Variants in RYR2 observed in about 807,000 individuals in gnomAD.
RYR2 encodes ryanodine receptor 2.
A neutral mutation model predicts 601.1 loss-of-function variants in RYR2; 227 were observed. The ratio of observed to expected loss-of-function variants is 0.38; its 90% CI spans 0.34 to 0.42. The LOEUF (loss-of-function observed/expected upper bound fraction) is 0.42. Among genes scored for constraint, RYR2 ranks in the 10% least tolerant of loss-of-function variants. The probability of loss-of-function intolerance (pLI) is 1.00; values close to 1 mark genes in which losing one functional copy is unlikely to be tolerated. For synonymous variants in RYR2, 2,223 were observed against 2,175.1 expected (o/e 1.02, Z -0.61); for missense variants, 4,646 against 6,156.5 (o/e 0.75, Z 8.21).
chr1:237,621,350 T>C (rs1159164324), intron 38 of RYR2, among the ~76,000 whole-genome samples: 1 of 152,042 alleles, frequency 6.6e-6, no homozygotes, highest in African/African-American at 2.4e-5. Flanking sequence ...ACTTCAAGAA[T>C]TTTGAAAACA....
chr1:237,276,676 A>G (rs549103523), intron 2 of RYR2, among the ~76,000 whole-genome samples: 7 of 152,318 alleles, frequency 4.6e-5, no homozygotes, highest in African/African-American at 1.7e-4. Context: ...ACAAAAGGAA[A>G]TTAAGTCATA....
intron 62 of RYR2, among the ~76,000 whole-genome samples, chr1:237,682,334 T>C (rs188806034): frequency 1.3e-5 from 2 of 152,168 alleles, no homozygotes; most frequent in African/African-American, 2.4e-5. Flanking sequence ...TTGATGTCCC[T>C]TTGGGGCTCT....
At chr1:237,676,623 A>G (rs775693276) in intron 60 of RYR2, among the ~76,000 whole-genome samples, 9 of 152,204 alleles carry the variant, frequency 5.9e-5, no homozygotes, top group Non-Finnish European at 1.3e-4. Flanking sequence ...TTTAATTTCC[A>G]TCTTTCATTG....
At chr1:237,201,805 T>C (rs539859441) in intron 1 of RYR2, among the ~76,000 whole-genome samples, 80 of 152,262 alleles carry the variant, frequency 5.3e-4, no homozygotes, top group Non-Finnish European at 5.4e-4. Context: ...ACAGTCCCAT[T>C]GTGGGCTCCC....
At chr1:237,656,013 T>A in intron 53 of RYR2, 29 bp downstream of exon 53, 1 of 1,605,998 alleles carries the variant, frequency 6.2e-7, no homozygotes, top group Non-Finnish European at 8.5e-7. Flanking sequence ...GCAGCAGATT[T>A]TTATTGTAAA....
At chr1:237,676,405 A>C (rs1173434765) in intron 60 of RYR2, among the ~76,000 whole-genome samples, 2 of 152,146 alleles carry the variant, frequency 1.3e-5, no homozygotes, top group African/African-American at 4.8e-5. Flanking sequence ...CCCACTTGAC[A>C]CATTTCATTC....
At chr1:237,347,442 T>C (rs1325433599) in intron 3 of RYR2, among the ~76,000 whole-genome samples, 1 of 152,216 alleles carries the variant, frequency 6.6e-6, no homozygotes, top group Non-Finnish European at 1.5e-5. Context: ...CTTGTTGAAA[T>C]GTAATTGACT....
rs12035799 is a variant in RYR2 at position 237,446,344 on chromosome 1, A to T, written c.1292+822A>T. ...AAACTTTGCTAATTTGATGGGGGAA[A>T]CTTTTTGTTGACCATCTTTCTTCAT... is the stretch of plus-strand genomic sequence containing the variant. On this transcript the variant is annotated intron_variant, in intron 14 of 104. Transcript: ENST00000366574. 3.9e-4 allele frequency among the ~76,000 whole-genome samples: 59 copies of T among 152,134 alleles called. 1 individual carries two copies. In the East Asian group the frequency reaches 0.011, roughly 27 times the overall value.
At chr1:237,274,970 C>T (rs1690112016) in intron 2 of RYR2, among the ~76,000 whole-genome samples, 1 of 151,776 alleles carries the variant, frequency 6.6e-6, no homozygotes. Context: ...ACATACACTC[C>T]ATGATGTACA....
intron 98 of RYR2, among the ~76,000 whole-genome samples, chr1:237,805,308 C>T (rs1660490525): frequency 6.6e-6 from 1 of 152,086 alleles, no homozygotes; most frequent in Non-Finnish European, 1.5e-5. Context: ...GAGCCAGGCG[C>T]AGTGGCTCAC....
chr1:237,089,130 A>G (rs961662877), intron 1 of RYR2, among the ~76,000 whole-genome samples: 2 of 152,222 alleles, frequency 1.3e-5, no homozygotes, highest in African/African-American at 4.8e-5. Context: ...CCTCTCAGGA[A>G]ATTCCCTGCC....
At position 237,648,615 on chromosome 1, in the gene RYR2, T is replaced by C. The variant is rs1366890065; in HGVS notation, c.7512+2T>C. ...CGGGCGGCTGCTTCTTTAGATACGG[T>C]GAGATTGGAGCGATGGACTTCCTCC... On this transcript the variant is annotated splice_donor_variant, in intron 49 of 104. Transcript: ENST00000366574. LOFTEE classifies it high-confidence loss of function. 6.2e-7 allele frequency: 1 copy of C among 1,604,500 alleles called. No homozygotes were observed.
At chr1:237,270,207 AT>A (rs1689539276) in intron 1 of RYR2, 1 of 504,528 alleles carries the variant, frequency 2.0e-6, no homozygotes, top group Non-Finnish European at 3.7e-6. Flanking sequence ...TTTTACTTTT[AT>A]TTGTTCAGGT....
At chr1:237,475,175 T>G (rs967022792) in intron 17 of RYR2, among the ~76,000 whole-genome samples, 14 of 152,172 alleles carry the variant, frequency 9.2e-5, no homozygotes, top group Non-Finnish European at 7.3e-5. Flanking sequence ...ATTCAATAAG[T>G]GAGCTAACAC....
intron 85 of RYR2, among the ~76,000 whole-genome samples, chr1:237,771,787 A>G (rs1694291319): frequency 6.6e-6 from 1 of 152,208 alleles, no homozygotes; most frequent in South Asian, 2.1e-4. Context: ...GCAATATCTG[A>G]GACAAAAATT....
At chr1:237,367,387 T>C (rs12405398) in intron 5 of RYR2, among the ~76,000 whole-genome samples, 53,920 of 151,782 alleles carry the variant, frequency 0.36, 9,896 homozygotes, top group East Asian at 0.43. Flanking sequence ...CCACTGCGTC[T>C]GGCCCCCCAA....
intron 8 of RYR2, among the ~76,000 whole-genome samples, chr1:237,379,982 C>A (rs939030018): frequency 6.6e-6 from 1 of 152,066 alleles, no homozygotes; most frequent in African/African-American, 2.4e-5. Context: ...TGCTTTCTAA[C>A]CTCAAATAAT....
intron 84 of RYR2, 130 bp from the exon 85 acceptor site, chr1:237,770,677 C>T: frequency 1.8e-6 from 1 of 553,846 alleles, no homozygotes; most frequent in South Asian, 2.4e-5. Flanking sequence ...AGAAAAGTGG[C>T]TATGACTTGT....
At chr1:237,053,666 C>T (rs558091057) in intron 1 of RYR2, among the ~76,000 whole-genome samples, 41 of 152,346 alleles carry the variant, frequency 2.7e-4, no homozygotes, top group Non-Finnish European at 3.2e-4. Context: ...TCTTGCTGGA[C>T]TTATATCCAC....
Sources: allele counts gnomAD v4.1 joint callset (sites outside exome capture counted in the v4.1 genomes callset), GRCh38; gene constraint gnomAD v4.1.1; transcripts MANE v1.5; gene names NCBI Gene and HGNC (gene_info 2026-07-23, HGNC 2026-07-21).